PTPRN2: variants seen among roughly 807,000 people sequenced by gnomAD.
PTPRN2 encodes protein tyrosine phosphatase receptor type N2.
In PTPRN2, 74 loss-of-function variants were observed where a neutral mutation model predicts 118.8. The ratio of observed to expected loss-of-function variants is 0.62; its 90% CI spans 0.52 to 0.76. The LOEUF is 0.76. PTPRN2 is among the 30% of genes least tolerant of loss of function. PTPRN2 has a pLI of 0.00. For missense variants in PTPRN2, 1,481 were observed against 1,394.4 expected (o/e 1.06, Z -0.99); for synonymous variants, 641 against 608.0 (o/e 1.05, Z -0.80).
At chr7:158,106,467 C>A in intron 10 of PTPRN2, among the ~76,000 whole-genome samples, 1 of 152,334 alleles carries the variant, frequency 6.6e-6, no homozygotes, top group Middle Eastern at 3.4e-3. Context: ...TAGCTCCCTC[C>A]CTGCCTCCAC....
intron 12 of PTPRN2, among the ~76,000 whole-genome samples, chr7:157,871,664 A>AT (rs1811056749): frequency 1.3e-5 from 2 of 151,460 alleles, no homozygotes; most frequent in East Asian, 1.9e-4. Context: ...TTTTGGAGGG[A>AT]TTTTTTCCTA....
intron 2 of PTPRN2, among the ~76,000 whole-genome samples, chr7:158,383,639 TAAAGTCATC>T (rs2151352980): frequency 6.6e-6 from 1 of 152,248 alleles, no homozygotes. Flanking sequence ...AAGATAAAAC[TAAAGTCATC>T]AAAACAGAAG....
intron 2 of PTPRN2, among the ~76,000 whole-genome samples, chr7:158,375,033 A>C (rs1014986664): frequency 6.6e-6 from 1 of 152,216 alleles, no homozygotes; most frequent in Non-Finnish European, 1.5e-5. Flanking sequence ...CGCAGAGGAA[A>C]AGATAGATGA....
intron 10 of PTPRN2, among the ~76,000 whole-genome samples, chr7:158,088,299 C>A (rs1283420746): frequency 6.2e-5 from 2 of 32,504 alleles, no homozygotes; most frequent in African/African-American, 1.1e-4. Flanking sequence ...TTCACACAAA[C>A]CTTCTTCCCC....
intron 11 of PTPRN2, among the ~76,000 whole-genome samples, chr7:157,957,230 A>G (rs937602409): frequency 6.6e-6 from 1 of 152,208 alleles, no homozygotes; most frequent in African/African-American, 2.4e-5. Context: ...CACTTCCCAG[A>G]ATCTGCAGCA....
chr7:158,476,838 G>T (rs1331516592), intron 2 of PTPRN2, among the ~76,000 whole-genome samples: 3 of 152,238 alleles, frequency 2.0e-5, no homozygotes, highest in Non-Finnish European at 4.4e-5. Context: ...GGAGAGAAAA[G>T]TCTGGAAAGT....
At position 158,102,161 on chromosome 7, in the gene PTPRN2, T is replaced by TG. The variant is rs1815280382; in HGVS notation, c.1643+8667dup. Among the ~76,000 whole-genome samples the TG allele has an allele frequency of 3.9e-5, 6 of 152,288 alleles. No individual in the cohort carries two copies. In the South Asian group the frequency reaches 1.2e-3, roughly 32 times the overall value. On this transcript the variant is annotated intron_variant, in intron 10 of 22. Transcript: ENST00000389418. ...CTGGAGCCATGATGCTAACAGTGCA[T>TG]GGCAGCCATCAGCAGCAGGGCGGCC... is the stretch of plus-strand genomic sequence containing the variant.
chr7:158,134,491 G>C (rs1261246300), intron 8 of PTPRN2, among the ~76,000 whole-genome samples: 1 of 152,132 alleles, frequency 6.6e-6, no homozygotes, highest in East Asian at 1.9e-4. Flanking sequence ...AGCTCTTCCA[G>C]CACACAAAGG....
intron 1 of PTPRN2, among the ~76,000 whole-genome samples, chr7:158,531,130 G>C (rs1027802606): frequency 1.3e-5 from 2 of 152,186 alleles, no homozygotes; most frequent in Admixed American, 1.3e-4. Flanking sequence ...GCTGCGATGA[G>C]GGAACTGAAT....
At chr7:158,146,738 A>G (rs538373926) in intron 6 of PTPRN2, among the ~76,000 whole-genome samples, 1 of 151,574 alleles carries the variant, frequency 6.6e-6, no homozygotes, top group Non-Finnish European at 1.5e-5. Flanking sequence ...AAAAAAAAGA[A>G]AGAAAAAAGA....
chr7:157,743,724 G>A (rs1246921840), intron 12 of PTPRN2, among the ~76,000 whole-genome samples: 8 of 151,838 alleles, frequency 5.3e-5, no homozygotes, highest in Admixed American at 3.3e-4. Context: ...TGGCAAGTCC[G>A]TGGCTGGGAT....
chr7:157,937,303 C>T (rs1428446569), intron 11 of PTPRN2, among the ~76,000 whole-genome samples: 1 of 152,114 alleles, frequency 6.6e-6, no homozygotes. Flanking sequence ...CTTATTTACC[C>T]AAAGTAAGCT....
At chr7:158,292,536 A>C (rs1233735270) in intron 3 of PTPRN2, among the ~76,000 whole-genome samples, 2 of 152,244 alleles carry the variant, frequency 1.3e-5, no homozygotes, top group African/African-American at 4.8e-5. Flanking sequence ...GTAGGGGTAC[A>C]TTCTGAGTAA....
intron 12 of PTPRN2, among the ~76,000 whole-genome samples, chr7:157,842,885 C>G (rs899801347): frequency 1.3e-5 from 2 of 152,156 alleles, no homozygotes; most frequent in Admixed American, 6.5e-5. Flanking sequence ...AATATATTAA[C>G]AAGTCGGAGT....
intron 3 of PTPRN2, among the ~76,000 whole-genome samples, chr7:158,270,935 TGGACCACCCCC>T (rs1798413882): frequency 4.3e-4 from 7 of 16,430 alleles, no homozygotes; most frequent in South Asian, 2.8e-3. Context: ...CCCCCCCACC[TGGACCACCCCC>T]CCACCTGGAC....
chr7:158,317,460 C>T (rs188422168), intron 2 of PTPRN2, among the ~76,000 whole-genome samples: 104 of 152,342 alleles, frequency 6.8e-4, no homozygotes, highest in African/African-American at 2.2e-3. Flanking sequence ...GGCTGGCGAA[C>T]GGTGTGGGAC....
chr7:157,841,014 G>A (rs1359375599), intron 12 of PTPRN2, among the ~76,000 whole-genome samples: 4 of 152,222 alleles, frequency 2.6e-5, no homozygotes, highest in Non-Finnish European at 5.9e-5. Context: ...CACAACGGCC[G>A]CTGCCTGGCC....
chr7:158,510,713 T>C (rs1823115208), intron 1 of PTPRN2, among the ~76,000 whole-genome samples: 2 of 152,212 alleles, frequency 1.3e-5, no homozygotes, highest in Non-Finnish European at 2.9e-5. Context: ...CCATGTTCTT[T>C]AAAAACTGAG....
At chr7:158,190,557 G>GGCC (rs879487569) in intron 5 of PTPRN2, among the ~76,000 whole-genome samples, 2 of 152,160 alleles carry the variant, frequency 1.3e-5, no homozygotes, top group Non-Finnish European at 2.9e-5. Context: ...CTTTCATTGT[G>GGCC]AGCCTAACCT....
Sources: gnomAD v4.1 joint callset for allele counts (sites outside exome capture counted in the v4.1 genomes callset) on GRCh38, gnomAD v4.1.1 for gene constraint, MANE v1.5 for transcripts, NCBI Gene and HGNC (gene_info 2026-07-23, HGNC 2026-07-21) for gene names.